The following METTL15 variants were observed in gnomAD, a reference collection of about 807,000 sequenced individuals.
METTL15 encodes 12S rRNA N(4)-cytidine methyltransferase METTL15.
A neutral mutation model predicts 38.3 loss-of-function variants in METTL15; 34 were observed. That is an observed-to-expected ratio of 0.89 (90% CI 0.68 to 1.18). The LOEUF (loss-of-function observed/expected upper bound fraction) is 1.18, where lower values mean the gene tolerates loss of function less well. METTL15 is among the 50% of genes most tolerant of loss of function. The probability of loss-of-function intolerance (pLI) is 0.00; values close to 1 mark genes in which losing one functional copy is unlikely to be tolerated. For missense variants in METTL15, 438 were observed against 498.4 expected (o/e 0.88, Z 1.15); for synonymous variants, 162 against 170.9 (o/e 0.95, Z 0.41).
intron 6 of METTL15, among the ~76,000 whole-genome samples, chr11:28,298,488 G>A (rs1239777010): frequency 6.6e-6 from 1 of 152,090 alleles, no homozygotes; most frequent in Non-Finnish European, 1.5e-5. Context: ...GAATTCAGAA[G>A]CTCATGAATT....
chr11:28,410,544 A>G (rs968826796), intron 5 of METTL15: 35 of 152,170 alleles, frequency 2.3e-4, no homozygotes, highest in African/African-American at 8.4e-4. Context: ...AATTGACTCA[A>G]AAAATATTAA....
At chr11:28,229,492 C>T (rs866628504) in intron 4 of METTL15, among the ~76,000 whole-genome samples, 1 of 151,864 alleles carries the variant, frequency 6.6e-6, no homozygotes, top group Non-Finnish European at 1.5e-5. Flanking sequence ...GTGTTGAAAC[C>T]TAATAGTATT....
intron 6 of METTL15, among the ~76,000 whole-genome samples, chr11:28,467,817 A>G (rs1851269467): frequency 6.6e-6 from 1 of 152,180 alleles, no homozygotes; most frequent in Admixed American, 6.5e-5. Context: ...ACAATGAAGG[A>G]AATAAAGAGG....
chr11:28,153,570 T>A (rs1297250113), intron 3 of METTL15, among the ~76,000 whole-genome samples: 2 of 152,114 alleles, frequency 1.3e-5, no homozygotes, highest in Non-Finnish European at 2.9e-5. Context: ...AAGAAAAATT[T>A]GAGATACATA....
chr11:28,320,862 G>A (rs771043220), intron 6 of METTL15, among the ~76,000 whole-genome samples: 10 of 151,904 alleles, frequency 6.6e-5, no homozygotes, highest in Non-Finnish European at 1.0e-4. Flanking sequence ...TCATACTTAA[G>A]TCATTGTAAG....
intron 4 of METTL15, among the ~76,000 whole-genome samples, chr11:28,228,203 G>C (rs1321833089): frequency 2.6e-5 from 4 of 151,734 alleles, no homozygotes; most frequent in Non-Finnish European, 5.9e-5. Context: ...AATCAGTAAG[G>C]CTTTTTCATG....
chr11:28,445,032 A>G (rs1851063969), intron 6 of METTL15, among the ~76,000 whole-genome samples: 1 of 152,108 alleles, frequency 6.6e-6, no homozygotes, highest in Non-Finnish European at 1.5e-5. Context: ...AGGGGCAAAC[A>G]TGAGAGACAA....
intron 6 of METTL15, among the ~76,000 whole-genome samples, chr11:28,469,021 T>G (rs891379679): frequency 6.6e-6 from 1 of 152,206 alleles, no homozygotes; most frequent in African/African-American, 2.4e-5. Flanking sequence ...TAAAAGATTT[T>G]AAAAGAATGA....
chr11:28,372,604 T>C (rs1177190262), intron 5 of METTL15, among the ~76,000 whole-genome samples: 1 of 151,832 alleles, frequency 6.6e-6, no homozygotes, highest in Non-Finnish European at 1.5e-5. Flanking sequence ...GAGACCACAT[T>C]ATTCTTTTTT....
At chr11:28,385,846 T>C (rs1850434985) in intron 5 of METTL15, among the ~76,000 whole-genome samples, 1 of 152,056 alleles carries the variant, frequency 6.6e-6, no homozygotes, top group Admixed American at 6.6e-5. Flanking sequence ...CCAGTACTTC[T>C]ATGCTGCCAT....
chr11:28,314,550 A>G (rs1042174153), intron 6 of METTL15, among the ~76,000 whole-genome samples: 12 of 152,228 alleles, frequency 7.9e-5, no homozygotes, highest in African/African-American at 2.4e-4. Context: ...AGACTTCTGT[A>G]TGTGGCAAAT....
At chr11:28,258,339 C>T (rs1855056786) in intron 4 of METTL15, among the ~76,000 whole-genome samples, 2 of 152,176 alleles carry the variant, frequency 1.3e-5, no homozygotes, top group South Asian at 4.1e-4. Flanking sequence ...GAAGCCAGCA[C>T]AGCACTGGAT....
At chr11:28,251,835 C>A (rs1854758398) in intron 4 of METTL15, among the ~76,000 whole-genome samples, 1 of 152,074 alleles carries the variant, frequency 6.6e-6, no homozygotes, top group Non-Finnish European at 1.5e-5. Flanking sequence ...CACCTCTAGT[C>A]ACTGCCCAAT....
intron 3 of METTL15, among the ~76,000 whole-genome samples, chr11:28,192,209 G>A (rs1056971086): frequency 6.6e-6 from 1 of 151,764 alleles, no homozygotes; most frequent in Non-Finnish European, 1.5e-5. Context: ...AATTAATATT[G>A]TCTGACAATA....
intron 3 of METTL15, among the ~76,000 whole-genome samples, chr11:28,170,131 G>C (rs1471086470): frequency 6.6e-6 from 1 of 152,054 alleles, no homozygotes; most frequent in African/African-American, 2.4e-5. Flanking sequence ...ATTTTCCAGA[G>C]AATTCTCTAA....
chr11:28,122,976 A>G (rs988486718), intron 3 of METTL15, among the ~76,000 whole-genome samples: 2 of 152,110 alleles, frequency 1.3e-5, no homozygotes, highest in African/African-American at 2.4e-5. Flanking sequence ...CCAAAAAATT[A>G]TGGTTTCATA....
intron 3 of METTL15, among the ~76,000 whole-genome samples, chr11:28,134,041 G>T (rs1437245011): frequency 6.6e-6 from 1 of 152,184 alleles, no homozygotes; most frequent in African/African-American, 2.4e-5. Context: ...TTTGGGAAAA[G>T]CTTGTGAGCT....
chr11:28,356,071 T>A (rs1004941173), intron 4 of METTL15, among the ~76,000 whole-genome samples: 1 of 152,182 alleles, frequency 6.6e-6, no homozygotes, highest in Non-Finnish European at 1.5e-5. Context: ...ACATATAATT[T>A]TATGACTTCA....
chr11:28,392,809 A>G (rs953465844), intron 5 of METTL15, among the ~76,000 whole-genome samples: 2 of 152,128 alleles, frequency 1.3e-5, no homozygotes, highest in African/African-American at 2.4e-5. Flanking sequence ...AACAAAAACA[A>G]AAAAACAAAT....
Sources: gnomAD v4.1 joint callset for allele counts (sites outside exome capture counted in the v4.1 genomes callset) on GRCh38, gnomAD v4.1.1 for gene constraint, MANE v1.5 for transcripts, NCBI Gene and HGNC (gene_info 2026-07-23, HGNC 2026-07-21) for gene names.